ALG9: variants seen among roughly 807,000 people sequenced by gnomAD.
ALG9 encodes alpha-1,2-mannosyltransferase ALG9.
ALG9 carries 55 observed loss-of-function variants against 81.8 expected under a neutral mutation model. That is an observed-to-expected ratio of 0.67 (90% CI 0.54 to 0.84). ALG9 has a LOEUF of 0.84. ALG9 is among the 40% of genes least tolerant of loss of function. ALG9 has a pLI of 0.00. For synonymous variants in ALG9, 278 were observed against 274.3 expected (o/e 1.01, Z -0.13); for missense variants, 629 against 745.0 (o/e 0.84, Z 1.81).
At chr11:111,779,527 A>G (rs1020113965), downstream of ALG9, among the ~76,000 whole-genome samples, 1 of 151,872 alleles carries the variant, frequency 6.6e-6, no homozygotes, top group South Asian at 2.1e-4. Context: ...ATTTTTACAT[A>G]TAGAGGCGGG....
intron 8 of ALG9, chr11:111,845,092 C>A: frequency 4.3e-6 from 1 of 230,922 alleles, no homozygotes; most frequent in Non-Finnish European, 8.8e-6. Flanking sequence ...ACTGCCATTT[C>A]AATTTAACTA....
At chr11:111,852,129 G>A (rs1016252856) in intron 8 of ALG9, among the ~76,000 whole-genome samples, 1 of 152,176 alleles carries the variant, frequency 6.6e-6, no homozygotes, top group Non-Finnish European at 1.5e-5. Context: ...GACATGGCTA[G>A]TGACAAGACT....
intron 13 of ALG9, among the ~76,000 whole-genome samples, chr11:111,811,293 A>G (rs1950669982): frequency 6.6e-6 from 1 of 152,214 alleles, no homozygotes; most frequent in Admixed American, 6.5e-5. Context: ...CTGTAATCCC[A>G]GCACTTTGGG....
At chr11:111,861,948 C>T (rs1960317386) in intron 4 of ALG9, among the ~76,000 whole-genome samples, 1 of 152,052 alleles carries the variant, frequency 6.6e-6, no homozygotes. Flanking sequence ...AGTGTAATTG[C>T]CTAACACTCC....
At chr11:111,867,505 T>C (rs985419078) in intron 3 of ALG9, among the ~76,000 whole-genome samples, 17 of 151,958 alleles carry the variant, frequency 1.1e-4, no homozygotes, top group Non-Finnish European at 2.5e-4. Flanking sequence ...AATTAGAAGA[T>C]ATAAAGAAAA....
At chr11:111,853,620 G>A in intron 7 of ALG9, 29 bp downstream of exon 7, 1 of 1,606,828 alleles carries the variant, frequency 6.2e-7, no homozygotes, top group East Asian at 2.2e-5. Context: ...TACAACTTTA[G>A]GACAAAGCAA....
chr11:111,865,097 C>T, intron 4 of ALG9, 84 bp downstream of exon 4: 1 of 1,147,778 alleles, frequency 8.7e-7, no homozygotes, highest in Non-Finnish European at 1.2e-6. Context: ...TATTTCTAAT[C>T]ACTGCCTAGA....
chr11:111,851,062 C>G lies in ALG9; in HGVS notation c.895+2318G>C, dbSNP rs56868008. 9.7e-3 allele frequency among the ~76,000 whole-genome samples: 1,478 copies of G among 152,326 alleles called. 40 individuals carry two copies. Among genetic ancestry groups the G allele is most frequent in the African/African-American group, 0.034 (1,417 of 41,558 alleles). ...CCAGGAAAGACTGGCTACTGCTCTA[C>G]TGGATCTCAAAACCTACCACAGGGG... is the stretch of plus-strand genomic sequence containing the variant. On this transcript the variant is annotated intron_variant, in intron 8 of 14. Transcript: ENST00000616540.
intron 13 of ALG9, among the ~76,000 whole-genome samples, chr11:111,809,980 C>G (rs1403064231): frequency 2.0e-5 from 3 of 152,190 alleles, no homozygotes; most frequent in African/African-American, 7.2e-5. Flanking sequence ...CATAGGTAAG[C>G]TTTGGCTGGT....
At chr11:111,800,261 A>C (rs1005460054) in intron 14 of ALG9, among the ~76,000 whole-genome samples, 4 of 152,066 alleles carry the variant, frequency 2.6e-5, no homozygotes, top group Non-Finnish European at 4.4e-5. Context: ...CAGGCGGATC[A>C]TGAGGTCAGG....
intron 13 of ALG9, among the ~76,000 whole-genome samples, chr11:111,816,139 T>C (rs1414274330): frequency 1.3e-5 from 2 of 152,346 alleles, no homozygotes; most frequent in East Asian, 3.9e-4. Context: ...TTTACACTTT[T>C]GAGTATTGAA....
At chr11:111,862,524 G>A (rs543853760) in intron 4 of ALG9, among the ~76,000 whole-genome samples, 3 of 151,018 alleles carry the variant, frequency 2.0e-5, no homozygotes, top group Non-Finnish European at 2.9e-5. Context: ...ATAAAACACC[G>A]TGCCCAGCCG....
chr11:111,840,093 A>G (rs1187509078), intron 10 of ALG9, among the ~76,000 whole-genome samples: 1 of 152,354 alleles, frequency 6.6e-6, no homozygotes, highest in East Asian at 1.9e-4. Context: ...TTTGTGAATT[A>G]TATCTCAAAA....
chr11:111,850,705 T>TTAAAAAAAAAAAAAAAA (rs1957644664), intron 8 of ALG9, among the ~76,000 whole-genome samples: 1 of 4,860 alleles, frequency 2.1e-4, no homozygotes, highest in African/African-American at 2.2e-3. Flanking sequence ...AGATACTGTC[T>TTAAAAAAAAAAAAAAAA]CAAAAAAAAA....
At chr11:111,772,784 T>C in the ALG9 span, among the ~76,000 whole-genome samples, 1 of 152,132 alleles carries the variant, frequency 6.6e-6, no homozygotes, top group African/African-American at 2.4e-5. Flanking sequence ...AGGACCCACA[T>C]GAAAGAATGA....
At chr11:111,772,058 C>T in the ALG9 span, among the ~76,000 whole-genome samples, 18 of 152,210 alleles carry the variant, frequency 1.2e-4, no homozygotes, top group Non-Finnish European at 2.4e-4. Flanking sequence ...AGCTCATCAC[C>T]ACATATAACA....
rs782043153 is a variant in ALG9 at position 111,868,652 on chromosome 11, G to A, written c.355C>T (p.Leu119Phe). 2 of 1,614,022 alleles carry A rather than the reference G, an allele frequency of 1.2e-6. No homozygotes were observed. Among genetic ancestry groups the A allele is most frequent in the Middle Eastern group, 1.6e-4 (1 of 6,062 alleles). Reference protein sequence around the residue: ...YAIRSYAYLLLHAWPAAFHAR... With the variant: ...YAIRSYAYLLFHAWPAAFHAR... ...TGAAATGCAGCTGGCCAGGCATGAAGCAACAGGTAAGCATAGGAGCGAATG... is the reference window on the plus strand; with the variant it reads ...TGAAATGCAGCTGGCCAGGCATGAAACAACAGGTAAGCATAGGAGCGAATG... The change falls in exon 3 of 15, where the codon CTT becomes TTT. Residue 119 changes from leucine to phenylalanine, a missense_variant. Transcript: ENST00000616540.
chr11:111,824,643 G>A (rs747274231), intron 13 of ALG9, among the ~76,000 whole-genome samples: 10 of 152,134 alleles, frequency 6.6e-5, no homozygotes, highest in Non-Finnish European at 1.5e-4. Context: ...TTTTCCTACC[G>A]TAATTTCTGT....
rs539218707 is a variant in ALG9, at chr11:111,866,588, A to G, written c.406-1337T>C. ...GGAGATCAGAAGTAAGAACAAGAGA[A>G]GAAGAGAAATCTTGCTTTCCATTTC... On this transcript the variant is annotated intron_variant, in intron 3 of 14. Transcript: ENST00000616540. Among the ~76,000 whole-genome samples the G allele has an allele frequency of 2.0e-5, 3 of 152,186 alleles. No homozygotes were observed. In the East Asian group the frequency reaches 5.8e-4, roughly 29 times the overall value.
Sources: gnomAD v4.1 joint callset for allele counts (sites outside exome capture counted in the v4.1 genomes callset) on GRCh38, gnomAD v4.1.1 for gene constraint, MANE v1.5 for transcripts, NCBI Gene and HGNC (gene_info 2026-07-23, HGNC 2026-07-21) for gene names.